CHN2: variants seen among roughly 807,000 people sequenced by gnomAD.
CHN2 encodes chimerin 2, also known as beta-chimaerin.
CHN2 carries 35 observed loss-of-function variants against 56.3 expected under a neutral mutation model. The ratio of observed to expected loss-of-function variants is 0.62; its 90% CI spans 0.47 to 0.82. The LOEUF (loss-of-function observed/expected upper bound fraction) is 0.82. Ranked by LOEUF, CHN2 falls within the 40% of genes least tolerant of loss-of-function variation. The probability of loss-of-function intolerance (pLI) is 0.00; values close to 1 mark genes in which losing one functional copy is unlikely to be tolerated. For synonymous variants in CHN2, 210 were observed against 212.8 expected (o/e 0.99, Z 0.12); for missense variants, 491 against 580.5 (o/e 0.85, Z 1.58).
chr7:29,285,039 G>A (rs147883169), intron 1 of CHN2, among the ~76,000 whole-genome samples: 1 of 152,170 alleles, frequency 6.6e-6, no homozygotes, highest in Admixed American at 6.5e-5. Context: ...CAGACTGGGG[G>A]AGCTGCTCTA....
At chr7:29,196,009 G>C (rs143402166) in intron 1 of CHN2, among the ~76,000 whole-genome samples, 253 of 152,276 alleles carry the variant, frequency 1.7e-3, no homozygotes, top group African/African-American at 5.8e-3. Flanking sequence ...GGGTCAAGAA[G>C]GTCATGAAGT....
At chr7:29,246,802 G>A (rs1267138632) in intron 1 of CHN2, among the ~76,000 whole-genome samples, 1 of 152,170 alleles carries the variant, frequency 6.6e-6, no homozygotes, top group Non-Finnish European at 1.5e-5. Flanking sequence ...CACTGTGCCC[G>A]CACATGGTGG....
At chr7:29,230,737 A>T (rs1037924099) in intron 1 of CHN2, among the ~76,000 whole-genome samples, 1 of 152,154 alleles carries the variant, frequency 6.6e-6, no homozygotes, top group Admixed American at 6.5e-5. Flanking sequence ...TGATCAAATG[A>T]TCTGATTTTT....
intron 1 of CHN2, among the ~76,000 whole-genome samples, chr7:29,280,383 CATAAATA>C (rs1366540804): frequency 4.7e-5 from 7 of 150,408 alleles, no homozygotes; most frequent in East Asian, 2.0e-4. Flanking sequence ...GGCTCCGTCT[CATAAATA>C]AATAAATAAA....
intron 1 of CHN2, among the ~76,000 whole-genome samples, chr7:29,318,668 T>G (rs2128892536): frequency 6.6e-6 from 1 of 152,192 alleles, no homozygotes; most frequent in East Asian, 1.9e-4. Flanking sequence ...GATTTTTTTT[T>G]TACCTTGGCA....
chr7:29,449,380 T>C (rs849923), intron 6 of CHN2, among the ~76,000 whole-genome samples: 19,699 of 152,238 alleles, frequency 0.13, 1,526 homozygotes, highest in Non-Finnish European at 0.17. Flanking sequence ...GGGAGACTAA[T>C]AAGTCAGAAT....
At chr7:29,182,566 A>G (rs192646278) in intron 2 of CHN2, among the ~76,000 whole-genome samples, 116 of 152,374 alleles carry the variant, frequency 7.6e-4, no homozygotes, top group Middle Eastern at 3.4e-3. Context: ...TTTTTATCCA[A>G]TATCACACAT....
At chr7:29,422,684 A>G (rs781513595) in intron 6 of CHN2, among the ~76,000 whole-genome samples, 1 of 152,234 alleles carries the variant, frequency 6.6e-6, no homozygotes, top group Non-Finnish European at 1.5e-5. Context: ...TTTCTACGAG[A>G]TGTCAGGGCT....
In CHN2 at chr7:29,470,688, G is replaced by T. The variant is rs566413037; in HGVS notation, c.577-9591G>T. On this transcript the variant is annotated intron_variant, in intron 6 of 12. Coordinates refer to ENST00000222792, the MANE Select transcript of CHN2 (RefSeq NM_004067.4). ...TTGCAAATTGCCATAATTTGGACAA[G>T]AAAGTAGTGGACAAGAAAATGCAAT... 6.6e-5 allele frequency among the ~76,000 whole-genome samples: 10 copies of T among 152,342 alleles called. No homozygotes were observed. The East Asian group carries it at 1.9e-3, about 29-fold the overall frequency.
intron 2 of CHN2, among the ~76,000 whole-genome samples, chr7:29,366,838 A>C (rs1221084413): frequency 6.6e-6 from 1 of 152,216 alleles, no homozygotes; most frequent in Admixed American, 6.5e-5. Flanking sequence ...TCAGCCAAAG[A>C]CATTGGGGAG....
intron 1 of CHN2, among the ~76,000 whole-genome samples, chr7:29,330,344 C>T (rs1425810492): frequency 6.6e-6 from 1 of 152,180 alleles, no homozygotes; most frequent in East Asian, 1.9e-4. Flanking sequence ...CATCCCAGTG[C>T]ACAGGGTCAG....
intron 1 of CHN2, among the ~76,000 whole-genome samples, chr7:29,279,647 A>G (rs1043526601): frequency 2.0e-5 from 3 of 152,328 alleles, no homozygotes; most frequent in East Asian, 1.9e-4. Flanking sequence ...GGGGCTCCCC[A>G]GTCGGAAAAC....
At chr7:29,429,195 TATACTC>T (rs1805165121) in intron 6 of CHN2, among the ~76,000 whole-genome samples, 1 of 152,246 alleles carries the variant, frequency 6.6e-6, no homozygotes, top group Non-Finnish European at 1.5e-5. Flanking sequence ...TTTGGTTTCA[TATACTC>T]AGACCACTTC....
intron 2 of CHN2, among the ~76,000 whole-genome samples, chr7:29,361,509 C>A (rs775649825): frequency 1.1e-3 from 167 of 152,238 alleles, no homozygotes; most frequent in Non-Finnish European, 1.6e-3. Context: ...AGAAATAAGT[C>A]ATCAAATAAT....
At chr7:29,212,442 A>G in intron 1 of CHN2, 3 of 1,606,198 alleles carry the variant, frequency 1.9e-6, no homozygotes, top group Non-Finnish European at 2.6e-6. Context: ...GATGCCTCAC[A>G]CGGAGACTGT....
chr7:29,430,789 CAAAAAAAAAAAA>C (rs72339566), intron 6 of CHN2, among the ~76,000 whole-genome samples: 4 of 113,684 alleles, frequency 3.5e-5, no homozygotes, highest in Non-Finnish European at 5.8e-5. Flanking sequence ...AAGATGATAG[CAAAAAAAAAAAA>C]AAAAAAAAAA....
At chr7:29,385,085 G>T (rs1298324610) in intron 3 of CHN2, among the ~76,000 whole-genome samples, 1 of 152,052 alleles carries the variant, frequency 6.6e-6, no homozygotes, top group Non-Finnish European at 1.5e-5. Context: ...TGACATTTTA[G>T]TCTGTTCCAT....
At chr7:29,150,608 G>A (rs1351277525) in intron 2 of CHN2, among the ~76,000 whole-genome samples, 8 of 152,164 alleles carry the variant, frequency 5.3e-5, no homozygotes, top group Non-Finnish European at 1.0e-4. Context: ...TAAGTTTGTA[G>A]GTCTGATTTT....
chr7:29,231,094 C>T lies in CHN2; in HGVS notation c.49+36104C>T, dbSNP rs113040937. Among the ~76,000 whole-genome samples the T allele has an allele frequency of 7.9e-3, 1,196 of 152,244 alleles. 14 individuals carry two copies. The highest frequency in any genetic ancestry group is 0.027 in the African/African-American group (1,125 of 41,508). On this transcript the variant is annotated intron_variant, in intron 1 of 12. Coordinates refer to ENST00000222792, the MANE Select transcript of CHN2 (RefSeq NM_004067.4). ...TTGTGATGAGCCTGGCGGGAGGACA[C>T]GAAACAGTTCCAATAAGCTATATGG... is the stretch of plus-strand genomic sequence containing the variant.
Sources: allele counts gnomAD v4.1 joint callset (sites outside exome capture counted in the v4.1 genomes callset), GRCh38; gene constraint gnomAD v4.1.1; transcripts MANE v1.5; gene names NCBI Gene and HGNC (gene_info 2026-07-23, HGNC 2026-07-21).